SNX29: variants seen among roughly 807,000 people sequenced by gnomAD.
The protein encoded by SNX29 is sorting nexin-29.
In SNX29, 78 loss-of-function variants were observed where a neutral mutation model predicts 102.1. The ratio of observed to expected loss-of-function variants is 0.76; its 90% confidence interval spans 0.64 to 0.92. The LOEUF (loss-of-function observed/expected upper bound fraction) is 0.92, where lower values mean the gene tolerates loss of function less well. SNX29 is among the 40% of genes least tolerant of loss of function. SNX29 has a pLI of 0.00. For synonymous variants in SNX29, 580 were observed against 414.5 expected, an observed-to-expected ratio of 1.40 and a Z score of -4.85; for missense variants, 1,280 against 1,061.7, an observed-to-expected ratio of 1.21 and a Z score of -2.86.
intron 13 of SNX29, among the ~76,000 whole-genome samples, chr16:12,154,970 G>A (rs1041077238): frequency 1.3e-5 from 2 of 152,190 alleles, no homozygotes; most frequent in African/African-American, 4.8e-5. Context: ...AGTGGGGAGA[G>A]GACACAAACA....
At chr16:12,531,745 A>G (rs1260791605) in intron 20 of SNX29, among the ~76,000 whole-genome samples, 1 of 152,176 alleles carries the variant, frequency 6.6e-6, no homozygotes, top group Non-Finnish European at 1.5e-5. Context: ...ATGAAAAGGA[A>G]GCATTGGGGT....
At chr16:12,522,677 C>G (rs1468418037) in intron 19 of SNX29, among the ~76,000 whole-genome samples, 1 of 152,140 alleles carries the variant, frequency 6.6e-6, no homozygotes, top group Non-Finnish European at 1.5e-5. Context: ...GTGCCTGAGT[C>G]CCCTTTGCCT....
At chr16:12,537,110 C>A (rs116996859) in intron 20 of SNX29, among the ~76,000 whole-genome samples, 3 of 152,206 alleles carry the variant, frequency 2.0e-5, no homozygotes, top group African/African-American at 4.8e-5. Flanking sequence ...CAGTCCCTTT[C>A]CTCCCAGCTG....
chr16:12,328,195 T>TC (rs1166355578), intron 15 of SNX29, among the ~76,000 whole-genome samples: 2 of 152,190 alleles, frequency 1.3e-5, no homozygotes, highest in Non-Finnish European at 2.9e-5. Flanking sequence ...CTCAATAAAC[T>TC]CTAGTTGTTC....
intron 18 of SNX29, among the ~76,000 whole-genome samples, chr16:12,427,996 C>T (rs967669946): frequency 7.9e-5 from 12 of 152,222 alleles, no homozygotes; most frequent in African/African-American, 2.7e-4. Context: ...TTTAAAGACA[C>T]AGGAGATTGC....
chr16:12,539,873 T>C (rs2077247126), intron 20 of SNX29, among the ~76,000 whole-genome samples: 1 of 152,228 alleles, frequency 6.6e-6, no homozygotes, highest in Non-Finnish European at 1.5e-5. Flanking sequence ...TGCCTGTTCT[T>C]AGAAACTAGG....
intron 19 of SNX29, among the ~76,000 whole-genome samples, chr16:12,498,759 T>C (rs967719843): frequency 6.6e-6 from 1 of 152,234 alleles, no homozygotes; most frequent in Admixed American, 6.5e-5. Flanking sequence ...CATTAACTTA[T>C]AAACCAAACA....
chr16:12,534,749 G>A (rs1597790639), intron 20 of SNX29, among the ~76,000 whole-genome samples: 1 of 152,220 alleles, frequency 6.6e-6, no homozygotes, highest in Non-Finnish European at 1.5e-5. Flanking sequence ...CTAAACCCAA[G>A]TGGCTTTCTT....
At chr16:12,383,603 A>G (rs2083250974) in intron 16 of SNX29, among the ~76,000 whole-genome samples, 1 of 151,526 alleles carries the variant, frequency 6.6e-6, no homozygotes, top group Non-Finnish European at 1.5e-5. Context: ...CGCCCAGGTA[A>G]TTTTTGTGTT....
intron 3 of SNX29, among the ~76,000 whole-genome samples, chr16:12,023,858 A>T (rs2057106071): frequency 6.6e-6 from 1 of 152,130 alleles, no homozygotes; most frequent in Non-Finnish European, 1.5e-5. Flanking sequence ...CCTGGATTCA[A>T]ATGACCGTTT....
intron 20 of SNX29, among the ~76,000 whole-genome samples, chr16:12,565,852 A>C (rs957915165): frequency 1.3e-5 from 2 of 152,092 alleles, no homozygotes. Flanking sequence ...CTCCTCCGGG[A>C]AGCCCTCTGT....
At chr16:12,304,901 A>G (rs1007542765) in intron 15 of SNX29, among the ~76,000 whole-genome samples, 4 of 152,246 alleles carry the variant, frequency 2.6e-5, no homozygotes, top group Non-Finnish European at 5.9e-5. Context: ...TTTTATTCAC[A>G]AAGCTGCCTT....
At chr16:12,126,227 G>A (rs2141383334) in intron 11 of SNX29, among the ~76,000 whole-genome samples, 1 of 152,346 alleles carries the variant, frequency 6.6e-6, no homozygotes, top group Admixed American at 6.5e-5. Context: ...AAGACTTGTA[G>A]TGATACTGAT....
chr16:12,036,827 C>T (rs182047077), intron 4 of SNX29, among the ~76,000 whole-genome samples: 5 of 152,140 alleles, frequency 3.3e-5, no homozygotes, highest in South Asian at 2.1e-4. Context: ...TGTCTCACTG[C>T]GTTATTTCCT....
intron 20 of SNX29, among the ~76,000 whole-genome samples, chr16:12,537,672 T>C (rs1246917121): frequency 1.3e-5 from 2 of 152,224 alleles, no homozygotes; most frequent in African/African-American, 4.8e-5. Flanking sequence ...TTCATGTCTT[T>C]TTTAAACATT....
intron 20 of SNX29, among the ~76,000 whole-genome samples, chr16:12,547,323 A>G (rs1222328467): frequency 1.3e-5 from 2 of 152,226 alleles, no homozygotes; most frequent in Non-Finnish European, 2.9e-5. Context: ...CCAGGAACAG[A>G]GAGGCCTTGC....
chr16:12,492,237 T>C (rs142360379), intron 19 of SNX29, among the ~76,000 whole-genome samples: 3,515 of 152,336 alleles, frequency 0.023, 131 homozygotes, highest in African/African-American at 0.079. Flanking sequence ...TGGTGTGAGA[T>C]GGTATCTCAT....
At chr16:12,037,814 G>T (rs2057518490) in intron 4 of SNX29, among the ~76,000 whole-genome samples, 1 of 151,910 alleles carries the variant, frequency 6.6e-6, no homozygotes, top group Non-Finnish European at 1.5e-5. Context: ...AATTAGCCGT[G>T]TATGGTGGTG....
chr16:12,550,273 A>T (rs896380212), intron 20 of SNX29, among the ~76,000 whole-genome samples: 7 of 152,200 alleles, frequency 4.6e-5, no homozygotes, highest in African/African-American at 1.7e-4. Context: ...ACAGAGGCTT[A>T]TACCTGTAAT....
Sources: gnomAD v4.1 joint callset for allele counts (sites outside exome capture counted in the v4.1 genomes callset) on GRCh38, gnomAD v4.1.1 for gene constraint, MANE v1.5 for transcripts, NCBI Gene and HGNC (gene_info 2026-07-23, HGNC 2026-07-21) for gene names.